Variants in ZDHHC2 observed in about 807,000 individuals in gnomAD.
ZDHHC2 encodes palmitoyltransferase ZDHHC2.
In ZDHHC2, 51 loss-of-function variants were observed where a neutral mutation model predicts 55.6. That is an observed-to-expected ratio of 0.92 (90% CI 0.73 to 1.16). The LOEUF (loss-of-function observed/expected upper bound fraction) is 1.16, where lower values mean the gene tolerates loss of function less well. Ranked by LOEUF, ZDHHC2 falls within the 50% of genes most tolerant of loss-of-function variation. The probability of loss-of-function intolerance (pLI) is 0.00; values close to 1 mark genes in which losing one functional copy is unlikely to be tolerated. For missense variants in ZDHHC2, 491 were observed against 442.4 expected (o/e 1.11, Z -0.99); for synonymous variants, 199 against 152.9 (o/e 1.30, Z -2.22).
At chr8:17,195,337 G>T (rs150370810) in intron 3 of ZDHHC2, among the ~76,000 whole-genome samples, 167 bp from the exon 4 acceptor site, 3 of 152,290 alleles carry the variant, frequency 2.0e-5, no homozygotes, top group Non-Finnish European at 4.4e-5. Context: ...ATAAATGAAT[G>T]ACCTGTGAGG....
intron 6 of ZDHHC2, among the ~76,000 whole-genome samples, chr8:17,199,031 C>G (rs1490020900): frequency 6.6e-6 from 1 of 152,154 alleles, no homozygotes; most frequent in Non-Finnish European, 1.5e-5. Flanking sequence ...GTAGGCATAT[C>G]TCTGACAGTC....
At chr8:17,166,723 G>A (rs1804617360) in intron 1 of ZDHHC2, among the ~76,000 whole-genome samples, 1 of 152,116 alleles carries the variant, frequency 6.6e-6, no homozygotes, top group Non-Finnish European at 1.5e-5. Flanking sequence ...CTGAGAGAGT[G>A]TGGTGTCCTG....
chr8:17,184,584 G>A (rs1248012917), intron 1 of ZDHHC2, among the ~76,000 whole-genome samples: 3 of 151,986 alleles, frequency 2.0e-5, no homozygotes, highest in Non-Finnish European at 4.4e-5. Flanking sequence ...CGCAATGGAG[G>A]CATGGCTGAC....
chr8:17,208,274 A>G (rs934987300), intron 8 of ZDHHC2, among the ~76,000 whole-genome samples, 182 bp downstream of exon 8: 3 of 150,174 alleles, frequency 2.0e-5, no homozygotes, highest in Admixed American at 6.7e-5. Context: ...CCATATATTT[A>G]TTGATTGTCT....
At chr8:17,185,991 C>G (rs985845644) in intron 2 of ZDHHC2, among the ~76,000 whole-genome samples, 5 of 152,084 alleles carry the variant, frequency 3.3e-5, no homozygotes, top group Non-Finnish European at 7.4e-5. Flanking sequence ...GTTTTTAATG[C>G]TGTGTTTGCT....
At chr8:17,174,705 CTTTTTTTTTTTTTTTT>C (rs546670520) in intron 1 of ZDHHC2, among the ~76,000 whole-genome samples, 18 of 61,946 alleles carry the variant, frequency 2.9e-4, no homozygotes, top group African/African-American at 1.2e-3. Context: ...TTGTGTTATT[CTTTTTTTTTTTTTTTT>C]TTTTTTTGAG....
rs1808060070 is a variant in ZDHHC2, at chr8:17,224,751, G to A, written c.*4530G>A. The A allele has an allele frequency of 6.6e-6, 1 of 151,736 alleles. No homozygotes were observed. 9.4% of individuals were successfully genotyped at this position (151,736 alleles called of 1,614,324 possible). A position where few individuals can be genotyped will look rare whatever the true frequency, so the allele number is the denominator to read the frequency against. ...ATTTTGTGTCTTTTTCTGTCAGTAT[G>A]TATGGCTCCCTAATTGAAAACATCT... On this transcript the variant is annotated 3_prime_UTR_variant, in exon 13 of 13. Coordinates refer to ENST00000262096, the MANE Select transcript of ZDHHC2 (RefSeq NM_016353.5).
chr8:17,181,442 C>G (rs1055092815), intron 1 of ZDHHC2, among the ~76,000 whole-genome samples: 1 of 152,132 alleles, frequency 6.6e-6, no homozygotes, highest in Non-Finnish European at 1.5e-5. Flanking sequence ...GAATAAAGCT[C>G]ATTTGCTTTA....
intron 1 of ZDHHC2, chr8:17,157,318 G>C (rs1052150651): frequency 6.5e-6 from 1 of 153,514 alleles, no homozygotes; most frequent in South Asian, 2.0e-4. Flanking sequence ...CAATGCACTT[G>C]TTAAAAATTT....
chr8:17,214,074 GA>G (rs1336405225), intron 10 of ZDHHC2, among the ~76,000 whole-genome samples: 2 of 152,152 alleles, frequency 1.3e-5, no homozygotes, highest in Non-Finnish European at 2.9e-5. Flanking sequence ...AATTATTCTT[GA>G]AAGAGTTTTA....
At chr8:17,168,679 C>G (rs1804718809) in intron 1 of ZDHHC2, among the ~76,000 whole-genome samples, 1 of 152,120 alleles carries the variant, frequency 6.6e-6, no homozygotes, top group South Asian at 2.1e-4. Flanking sequence ...CTGGCAGCCA[C>G]CATTCTACTT....
At chr8:17,180,573 T>C (rs1237306444) in intron 1 of ZDHHC2, among the ~76,000 whole-genome samples, 2 of 151,032 alleles carry the variant, frequency 1.3e-5, no homozygotes, top group East Asian at 1.9e-4. Flanking sequence ...AAAGATGATA[T>C]ATTATAATTG....
chr8:17,156,608 C>G lies in ZDHHC2; in HGVS notation c.-116C>G, dbSNP rs1016402667. On this transcript the variant is annotated 5_prime_UTR_variant, in exon 1 of 13. Transcript: ENST00000262096. The stretch of plus-strand genomic sequence containing the variant: ...GCCACGGCGGCGGCAGTGGCCGCAG[C>G]GCACCCCGCCGCCGCCCAGGAGCCC... The G allele has an allele frequency of 7.2e-5, 60 of 829,904 alleles. No homozygotes were observed. The African/African-American group carries it at 9.4e-4, about 13-fold the overall frequency. The allele number at this position is 829,904 out of a possible 1,614,324, so 51.4% of individuals were successfully genotyped here. A position where few individuals can be genotyped will look rare whatever the true frequency, so the allele number is the denominator to read the frequency against.
chr8:17,190,181 G>A (rs888509723), intron 3 of ZDHHC2, among the ~76,000 whole-genome samples: 1 of 151,938 alleles, frequency 6.6e-6, no homozygotes, highest in African/African-American at 2.4e-5. Context: ...ACTTGAACCT[G>A]GGAGGCGGAG....
At chr8:17,195,391 T>A in intron 3 of ZDHHC2, 113 bp from the exon 4 acceptor site, 2 of 1,220,950 alleles carry the variant, frequency 1.6e-6, no homozygotes, top group Non-Finnish European at 1.1e-6. Context: ...TCTCTTTGAA[T>A]GTACAATATA....
intron 1 of ZDHHC2, among the ~76,000 whole-genome samples, chr8:17,181,713 C>T (rs1447711064): frequency 6.6e-6 from 1 of 152,020 alleles, no homozygotes; most frequent in Non-Finnish European, 1.5e-5. Flanking sequence ...TTTTAGAAGA[C>T]CTGTCCCAAT....
intron 1 of ZDHHC2, among the ~76,000 whole-genome samples, chr8:17,179,605 C>G (rs928380706): frequency 6.6e-6 from 1 of 152,054 alleles, no homozygotes; most frequent in Non-Finnish European, 1.5e-5. Context: ...GAGACACAGT[C>G]TCAATGTGTT....
intron 6 of ZDHHC2, among the ~76,000 whole-genome samples, chr8:17,200,282 A>G (rs1212982437): frequency 6.6e-6 from 1 of 152,216 alleles, no homozygotes; most frequent in East Asian, 1.9e-4. Context: ...CAGGCAGTCC[A>G]GAAGTGCCAA....
At chr8:17,179,570 A>C (rs1015694729) in intron 1 of ZDHHC2, among the ~76,000 whole-genome samples, 2 of 151,914 alleles carry the variant, frequency 1.3e-5, no homozygotes, top group Non-Finnish European at 2.9e-5. Context: ...CACCACACCC[A>C]GCTAAAAAAA....
Sources: allele counts gnomAD v4.1 joint callset (sites outside exome capture counted in the v4.1 genomes callset), GRCh38; gene constraint gnomAD v4.1.1; transcripts MANE v1.5; gene names NCBI Gene and HGNC (gene_info 2026-07-23, HGNC 2026-07-21).